The following ZMAT4 variants were observed in gnomAD, a reference collection of about 807,000 sequenced individuals.
ZMAT4 encodes zinc finger matrin-type protein 4.
In ZMAT4, 17 loss-of-function variants were observed where a neutral mutation model predicts 28.7. That is an observed-to-expected ratio of 0.59 (90% CI 0.41 to 0.89). The LOEUF is 0.89. Ranked by LOEUF, ZMAT4 falls within the 40% of genes least tolerant of loss-of-function variation. The pLI is 0.00. For synonymous variants in ZMAT4, 117 were observed against 109.2 expected, an observed-to-expected ratio of 1.07 and a Z score of -0.44; for missense variants, 240 against 283.8, an observed-to-expected ratio of 0.85 and a Z score of 1.11.
intron 1 of ZMAT4, among the ~76,000 whole-genome samples, chr8:40,829,636 CTGAG>C (rs1816203660): frequency 6.6e-6 from 1 of 152,136 alleles, no homozygotes; most frequent in African/African-American, 2.4e-5. Flanking sequence ...TGCTGAGCTA[CTGAG>C]TAAGAAGAGA....
At chr8:40,578,120 A>G (rs1804329811) in intron 6 of ZMAT4, among the ~76,000 whole-genome samples, 1 of 152,114 alleles carries the variant, frequency 6.6e-6, no homozygotes, top group African/African-American at 2.4e-5. Context: ...ACACTATCAG[A>G]TATCAAGACA....
At chr8:40,850,638 T>C (rs1817070015) in intron 1 of ZMAT4, among the ~76,000 whole-genome samples, 1 of 152,218 alleles carries the variant, frequency 6.6e-6, no homozygotes, top group African/African-American at 2.4e-5. Flanking sequence ...GTGCTTTATC[T>C]AGAGCTGTCT....
intron 5 of ZMAT4, among the ~76,000 whole-genome samples, chr8:40,609,369 A>G (rs898798910): frequency 6.6e-6 from 1 of 152,142 alleles, no homozygotes; most frequent in Non-Finnish European, 1.5e-5. Flanking sequence ...CTACTGTTTC[A>G]ATCCACTGGA....
rs550061580 is a variant in ZMAT4 at position 40,606,828 on chromosome 8, G to A, written c.578-25567C>T. On this transcript the variant is annotated intron_variant, in intron 5 of 6. Coordinates refer to ENST00000297737, the MANE Select transcript of ZMAT4 (RefSeq NM_024645.3). Reference sequence around the variant, plus strand: ...AACTTTTAGATTTCTCTTCTTCATAGGGAACACCAATAATTCTTATGTTTG... The same window carrying A: ...AACTTTTAGATTTCTCTTCTTCATAAGGAACACCAATAATTCTTATGTTTG... 1.8e-4 allele frequency among the ~76,000 whole-genome samples: 28 copies of A among 152,208 alleles called. 1 individual carries two copies. In the South Asian group the frequency reaches 5.8e-3, roughly 32 times the overall value.
chr8:40,678,228 A>G (rs536667948), intron 4 of ZMAT4, among the ~76,000 whole-genome samples: 45 of 152,364 alleles, frequency 3.0e-4, no homozygotes, highest in African/African-American at 1.1e-3. Context: ...AATAGCCAAA[A>G]TGTCATATCA....
chr8:40,779,385 G>A (rs543774645), intron 2 of ZMAT4, among the ~76,000 whole-genome samples: 151 of 152,030 alleles, frequency 9.9e-4, no homozygotes, highest in Non-Finnish European at 1.5e-3. Flanking sequence ...GAAACGCCCA[G>A]AGCTCTATGT....
chr8:40,613,249 C>T (rs1162981902), intron 5 of ZMAT4, among the ~76,000 whole-genome samples: 1 of 119,934 alleles, frequency 8.3e-6, no homozygotes, highest in African/African-American at 3.2e-5. Flanking sequence ...GCAGTGGGAT[C>T]TCAGCTCACT....
At chr8:40,807,570 C>G (rs774102788) in intron 2 of ZMAT4, among the ~76,000 whole-genome samples, 1 of 152,158 alleles carries the variant, frequency 6.6e-6, no homozygotes, top group African/African-American at 2.4e-5. Context: ...CGGCATGGCT[C>G]TTTATTTTTA....
chr8:40,583,631 G>C (rs895340247), intron 5 of ZMAT4, among the ~76,000 whole-genome samples: 1 of 152,160 alleles, frequency 6.6e-6, no homozygotes, highest in Non-Finnish European at 1.5e-5. Context: ...ATTTAAGCAC[G>C]CATCTCTGAC....
intron 5 of ZMAT4, among the ~76,000 whole-genome samples, chr8:40,623,463 A>G (rs1347922998): frequency 6.6e-6 from 1 of 152,266 alleles, no homozygotes; most frequent in Non-Finnish European, 1.5e-5. Context: ...TGGTAGCTAT[A>G]TTCAGTTTTA....
At chr8:40,642,583 C>T (rs1807087218) in intron 5 of ZMAT4, among the ~76,000 whole-genome samples, 1 of 152,196 alleles carries the variant, frequency 6.6e-6, no homozygotes, top group African/African-American at 2.4e-5. Flanking sequence ...AAACCTAATA[C>T]ACAGGTATGT....
intron 5 of ZMAT4, among the ~76,000 whole-genome samples, chr8:40,672,209 A>C (rs755668188): frequency 1.3e-5 from 2 of 152,216 alleles, no homozygotes; most frequent in Non-Finnish European, 2.9e-5. Flanking sequence ...CAGCTGCCTG[A>C]TACCATTTTA....
chr8:40,833,218 G>T (rs1816349397), intron 1 of ZMAT4, among the ~76,000 whole-genome samples: 1 of 139,430 alleles, frequency 7.2e-6, no homozygotes, highest in Non-Finnish European at 1.5e-5. Context: ...TGGTTGCCGT[G>T]GCAGCAAAGC....
chr8:40,781,761 C>CAAAAAAAAAAAAAAAA lies in ZMAT4; in HGVS notation c.103-14047_103-14032dup, dbSNP rs59432510. ...TGGGCAACAGAGCGAGACTCCGTCT[C>CAAAAAAAAAAAAAAAA]AAAAAAAAAAAAAAAAAAAAAAAAA... On this transcript the variant is annotated intron_variant, in intron 2 of 6. Transcript: ENST00000297737. 1.3e-4 allele frequency among the ~76,000 whole-genome samples: 5 copies of CAAAAAAAAAAAAAAAA among 38,514 alleles called. 1 individual carries two copies. The highest frequency in any genetic ancestry group is 2.8e-4 in the Non-Finnish European group (5 of 17,788). The allele number at this position is 38,514 out of a possible 152,430, so 25.3% of individuals were successfully genotyped here.
At chr8:40,850,330 C>G (rs761922438) in intron 1 of ZMAT4, among the ~76,000 whole-genome samples, 1 of 152,152 alleles carries the variant, frequency 6.6e-6, no homozygotes, top group Non-Finnish European at 1.5e-5. Context: ...TCCACACTAG[C>G]CTTCCCCTCA....
chr8:40,548,740 A>G (rs71519554), intron 6 of ZMAT4, among the ~76,000 whole-genome samples: 1 of 152,154 alleles, frequency 6.6e-6, no homozygotes, highest in Non-Finnish European at 1.5e-5. Context: ...ACAAAACAAA[A>G]CAATAAAAGA....
intron 1 of ZMAT4, among the ~76,000 whole-genome samples, chr8:40,844,136 T>G (rs2150629055): frequency 6.6e-6 from 1 of 152,264 alleles, no homozygotes; most frequent in South Asian, 2.1e-4. Flanking sequence ...AAGAGAATAT[T>G]GTTTTTTTCT....
intron 1 of ZMAT4, among the ~76,000 whole-genome samples, chr8:40,891,085 G>A (rs1039831020): frequency 6.6e-6 from 1 of 150,508 alleles, no homozygotes; most frequent in Non-Finnish European, 1.5e-5. Context: ...TGTAATCCCA[G>A]AGCTTTGGGA....
intron 1 of ZMAT4, among the ~76,000 whole-genome samples, chr8:40,874,846 T>C (rs1817984667): frequency 6.6e-6 from 1 of 152,188 alleles, no homozygotes; most frequent in Non-Finnish European, 1.5e-5. Context: ...ATGGCTTATT[T>C]TAGTAAACAA....
Sources: allele counts gnomAD v4.1 joint callset (sites outside exome capture counted in the v4.1 genomes callset), GRCh38; gene constraint gnomAD v4.1.1; transcripts MANE v1.5; gene names NCBI Gene and HGNC (gene_info 2026-07-23, HGNC 2026-07-21).